Variants in ZSCAN20 observed in about 807,000 individuals in gnomAD.
ZSCAN20 encodes zinc finger and SCAN domain containing 20, also known as zinc finger and SCAN domain-containing protein 20.
Under a neutral mutation model 97.1 loss-of-function variants are expected in ZSCAN20, and 39 were observed. That is an observed-to-expected ratio of 0.40 (90% CI 0.31 to 0.52). The LOEUF (loss-of-function observed/expected upper bound fraction) is 0.52, where lower values mean the gene tolerates loss of function less well. Ranked by LOEUF, ZSCAN20 falls within the 20% of genes least tolerant of loss-of-function variation. The pLI, the probability that ZSCAN20 is intolerant of heterozygous loss-of-function variation, is 0.49. For missense variants in ZSCAN20, 1,115 were observed against 1,290.4 expected (o/e 0.86, Z 2.08); for synonymous variants, 456 against 467.3 (o/e 0.98, Z 0.31).
intron 2 of ZSCAN20, among the ~76,000 whole-genome samples, chr1:33,482,391 A>T (rs753762291): frequency 1.3e-5 from 2 of 152,272 alleles, no homozygotes; most frequent in African/African-American, 4.8e-5. Flanking sequence ...ACGTCTTTTC[A>T]TGGCTTGTTA....
In ZSCAN20 at chr1:33,494,805, C is replaced by A; in HGVS notation, c.2461C>A (p.Pro821Thr). The A allele has an allele frequency of 6.2e-7, 1 of 1,614,170 alleles. No individual in the cohort carries two copies. The highest frequency in any genetic ancestry group is 8.5e-7 in the Non-Finnish European group (1 of 1,180,018). ...TCAGAGAATCCACTTGGGAGGAAAT[C>A]CTGACCAGTGTAGTGAGCCTGGGGG... is the stretch of plus-strand genomic sequence containing the variant. ...KHQRIHLGGNPDQCSEPGGNF... is the reference protein window; with the variant it reads ...KHQRIHLGGNTDQCSEPGGNF... The change falls in exon 8 of 8, where the codon CCT (proline) becomes ACT (threonine). Residue 821 changes from proline to threonine, a missense_variant. Pro to Thr is a conservative substitution (Grantham distance 38). This residue lies in a region of ZSCAN20 where 554 missense variants were observed against 584.9 expected (regional missense o/e 0.95). Transcript: ENST00000684572.
At position 33,480,812 on chromosome 1, in the gene ZSCAN20, T is replaced by C. The variant is rs1652126421; in HGVS notation, c.417+1107T>C. On this transcript the variant is annotated intron_variant, in intron 2 of 7. Transcript: ENST00000684572. ...CCCATGATATAATGCATAATTTTGC[T>C]ATGACACACATTTTGAATCCTGCTT... Among the ~76,000 whole-genome samples the C allele has an allele frequency of 2.6e-5, 4 of 152,244 alleles. No individual in the cohort carries two copies. In the South Asian group the frequency reaches 8.3e-4, roughly 32 times the overall value.
In ZSCAN20 at chr1:33,476,318, G is replaced by A. The variant is rs577345029; in HGVS notation, c.-110-2861G>A. On this transcript the variant is annotated intron_variant, in intron 1 of 7. Transcript: ENST00000684572. ...CGGTCTAACTTCCTTAGAAAGTTAC[G>A]GTTATGGTTCCTTAGAAAAAAAAGG... Among the ~76,000 whole-genome samples, 30 of 152,272 alleles carry A rather than the reference G, an allele frequency of 2.0e-4. No homozygotes were observed. The South Asian group carries it at 4.6e-3, about 23-fold the overall frequency.
At chr1:33,490,793 TAACAACAAC>T (rs970674312) in intron 5 of ZSCAN20, among the ~76,000 whole-genome samples, 1 of 152,112 alleles carries the variant, frequency 6.6e-6, no homozygotes, top group African/African-American at 2.4e-5. Flanking sequence ...TCATGTTTCA[TAACAACAAC>T]AACAACAAAC....
At chr1:33,490,124 T>C (rs1359790303) in intron 5 of ZSCAN20, among the ~76,000 whole-genome samples, 3 of 151,834 alleles carry the variant, frequency 2.0e-5, no homozygotes, top group Non-Finnish European at 2.9e-5. Flanking sequence ...GTGTGGGGAG[T>C]TAGACATGTG....
In ZSCAN20 at chr1:33,489,567, C is replaced by A. The variant is rs267598560; in HGVS notation, c.731C>A (p.Pro244His). The A allele has an allele frequency of 6.2e-7, 1 of 1,614,110 alleles. No homozygotes were observed. The highest frequency in any genetic ancestry group is 8.5e-7 in the Non-Finnish European group (1 of 1,180,012). Residue 244 changes from proline to histidine, a missense_variant, in exon 5 of 8, where the codon CCC becomes CAC. Transcript: ENST00000684572. ...GCTGAGAAGGAGCTCTGTAAAGACC[C>A]CCCAGGAGACGACTGTGGGAACAGC... ...KHAEKELCKD[P>H]PGDDCGNSVC...
In ZSCAN20 at chr1:33,494,893, C is replaced by A; in HGVS notation, c.2549C>A (p.Pro850His). 1 of 1,614,188 alleles carries A rather than the reference C, an allele frequency of 6.2e-7. No homozygotes were observed. The highest frequency in any genetic ancestry group is 8.5e-7 in the Non-Finnish European group (1 of 1,180,036). Residue 850 changes from proline to histidine, a missense_variant, in exon 8 of 8, where the codon CCT becomes CAT. By Grantham distance (77) the Pro-to-His change is moderately conservative. This residue lies in a region of ZSCAN20 where 554 missense variants were observed against 584.9 expected (regional missense o/e 0.95). Transcript: ENST00000684572. Reference sequence around the variant, plus strand: ...AGGAATTCTACAGAAGAGACAGCTCCTGAACAACCTCAAAGTATCAGTAAG... The same window carrying A: ...AGGAATTCTACAGAAGAGACAGCTCATGAACAACCTCAAAGTATCAGTAAG... The part of the protein sequence containing the change: ...HWRNSTEETA[P>H]EQPQSISKDL...
At chr1:33,476,898 G>C (rs1306275515) in intron 1 of ZSCAN20, among the ~76,000 whole-genome samples, 1 of 152,164 alleles carries the variant, frequency 6.6e-6, no homozygotes, top group Non-Finnish European at 1.5e-5. Context: ...TGATACGCCA[G>C]GTTTATCATT....
In ZSCAN20 at chr1:33,479,309, G is replaced by A. The variant is rs774452661; in HGVS notation, c.21G>A (p.Leu7=). 8.1e-6 allele frequency: 13 copies of A among 1,609,218 alleles called. No homozygotes were observed. Among genetic ancestry groups the A allele is most frequent in the Non-Finnish European group, 1.0e-5 (12 of 1,177,314 alleles). ...AGACAATGGCTATGGCCCTGGAATT[G>A]CAAGCCCAGGCATCTCCGCAGCCAG... is the stretch of plus-strand genomic sequence containing the variant. MAMALE[L]QAQASPQPEP... The change falls in exon 2 of 8, where the codon TTG becomes TTA. Residue 7 remains leucine (L), a synonymous_variant. Coordinates refer to ENST00000684572, the MANE Select transcript of ZSCAN20 (RefSeq NM_001377376.1).
At chr1:33,473,095 C>T (rs1651789322) in intron 1 of ZSCAN20, among the ~76,000 whole-genome samples, 1 of 152,166 alleles carries the variant, frequency 6.6e-6, no homozygotes, top group East Asian at 1.9e-4. Flanking sequence ...ACCTTCCCAT[C>T]TAGAACAAGC....
chr1:33,484,859 A>T (rs1652297822), intron 2 of ZSCAN20, among the ~76,000 whole-genome samples: 1 of 151,954 alleles, frequency 6.6e-6, no homozygotes, highest in Admixed American at 6.6e-5. Context: ...TGACTTGGTG[A>T]TCTGCCTGCC....
chr1:33,485,186 A>G (rs1035353200), intron 2 of ZSCAN20, among the ~76,000 whole-genome samples: 5 of 152,248 alleles, frequency 3.3e-5, no homozygotes, highest in Non-Finnish European at 7.4e-5. Context: ...TCCTTAATAG[A>G]TATTGGCCTC....
chr1:33,481,321 C>T (rs547687326), intron 2 of ZSCAN20, among the ~76,000 whole-genome samples: 1 of 152,236 alleles, frequency 6.6e-6, no homozygotes, highest in East Asian at 1.9e-4. Flanking sequence ...GGATTTAAAT[C>T]AAGGTCTTTA....
rs897120570 is a variant in ZSCAN20, at chr1:33,497,592, G to A, written c.*2116G>A. ...CAGGCCCGGGGCAATGTTCAGATGT[G>A]CATGGTTGAAATCTGACAGCTGAAT... is the stretch of plus-strand genomic sequence containing the variant. On this transcript the variant is annotated 3_prime_UTR_variant, in exon 8 of 8. Coordinates refer to ENST00000684572, the MANE Select transcript of ZSCAN20 (RefSeq NM_001377376.1). Among the ~76,000 whole-genome samples the A allele has an allele frequency of 1.3e-5, 2 of 152,118 alleles. No homozygotes were observed. The highest frequency in any genetic ancestry group is 4.8e-5 in the African/African-American group (2 of 41,438).
chr1:33,493,137 T>C lies in ZSCAN20; in HGVS notation c.1445-50T>C, dbSNP rs1345448721. 6.4e-7 allele frequency: 1 copy of C among 1,571,494 alleles called. No homozygotes were observed. The highest frequency in any genetic ancestry group is 1.1e-5 in the South Asian group (1 of 87,866). On this transcript the variant is annotated intron_variant, in intron 6 of 7. Transcript: ENST00000684572. The surrounding 1 kb of genome is among the most constrained non-coding windows in gnomAD (Gnocchi z 4.3). Reference sequence around the variant, plus strand: ...CAGGTGACTTTATTCTCTGATGACCTAGGCACATCTCATTAAGTCTCACAG... The same window carrying C: ...CAGGTGACTTTATTCTCTGATGACCCAGGCACATCTCATTAAGTCTCACAG...
chr1:33,495,723 A>G lies in ZSCAN20; in HGVS notation c.*247A>G, dbSNP rs192844882. 3.9e-5 allele frequency: 13 copies of G among 333,166 alleles called. No individual in the cohort carries two copies. The highest frequency in any genetic ancestry group is 2.1e-4 in the African/African-American group (10 of 47,820). The allele number at this position is 333,166 out of a possible 1,614,324, so 20.6% of individuals were successfully genotyped here. On this transcript the variant is annotated 3_prime_UTR_variant, in exon 8 of 8. Transcript: ENST00000684572. ...AATCCTGACTGTCCTTGTATTTGCT[A>G]TCATGTAAGAGCTGTGTCAGTATTT...
rs1553124188 is a variant in ZSCAN20 at position 33,501,538 on chromosome 1, T to TTTTA, written c.*6065_*6066insATTT. Among the ~76,000 whole-genome samples the TTTTA allele has an allele frequency of 6.8e-6, 1 of 147,288 alleles. No homozygotes were observed. The highest frequency in any genetic ancestry group is 1.5e-5 in the Non-Finnish European group (1 of 67,160). ...CTTTCACTTCCCCATTTTCTGTTATTTTTTTTTTTTTTGTGCTGTTATGTA... is the reference window on the plus strand; with the variant it reads ...CTTTCACTTCCCCATTTTCTGTTATTTTTATTTTTTTTTTTTGTGCTGTTATGTA... On this transcript the variant is annotated 3_prime_UTR_variant, in exon 8 of 8. Coordinates refer to ENST00000684572, the MANE Select transcript of ZSCAN20 (RefSeq NM_001377376.1).
chr1:33,473,826 C>G (rs766289837), intron 1 of ZSCAN20, among the ~76,000 whole-genome samples: 2 of 152,180 alleles, frequency 1.3e-5, no homozygotes, highest in Non-Finnish European at 2.9e-5. Context: ...ATCTCCAGGA[C>G]AGGAACAGTG....
intron 7 of ZSCAN20, 80 bp from the exon 8 acceptor site, chr1:33,494,138 G>A (rs1486461687): frequency 3.1e-6 from 4 of 1,309,850 alleles, no homozygotes; most frequent in East Asian, 4.7e-5. Context: ...ATTCACAGAT[G>A]TACAATACAG....
Sources: allele counts gnomAD v4.1 joint callset (sites outside exome capture counted in the v4.1 genomes callset), GRCh38; gene constraint gnomAD v4.1.1; regional missense constraint gnomAD v4.1.1; non-coding constraint Gnocchi (gnomAD v3.1); transcripts MANE v1.5; gene names NCBI Gene and HGNC (gene_info 2026-07-23, HGNC 2026-07-21).